EPHA4: variants seen among roughly 807,000 people sequenced by gnomAD.
EPHA4 encodes EPH receptor A4.
EPHA4 carries 19 observed loss-of-function variants against 108.3 expected under a neutral mutation model. The ratio of observed to expected loss-of-function variants is 0.18; its 90% CI spans 0.12 to 0.26. EPHA4 has a LOEUF of 0.26. Among genes scored for constraint, EPHA4 ranks in the 10% least tolerant of loss-of-function variants. The pLI, the probability that EPHA4 is intolerant of heterozygous loss-of-function variation, is 1.00. For missense variants in EPHA4, 917 were observed against 1,254.0 expected, an observed-to-expected ratio of 0.73 and a Z score of 4.06; for synonymous variants, 449 against 455.5, an observed-to-expected ratio of 0.99 and a Z score of 0.18.
chr2:221,490,032 G>C (rs530478334), intron 4 of EPHA4, among the ~76,000 whole-genome samples: 1 of 151,854 alleles, frequency 6.6e-6, no homozygotes, highest in East Asian at 1.9e-4. Context: ...TGTAGTCCCA[G>C]CTACTTGGGA....
Position 221,566,939 on chromosome 2 carries a change from A to G in EPHA4, c.159+1779T>C, listed in dbSNP as rs75495128. On this transcript the variant is annotated intron_variant, in intron 2 of 17. Transcript: ENST00000281821. Reference sequence around the variant, plus strand: ...GAGAAGGAGAAGGAGAAGGAGAAGGAGAAGGAGAAGGAGAAGGGGAAGAGG... The same window carrying G: ...GAGAAGGAGAAGGAGAAGGAGAAGGGGAAGGAGAAGGAGAAGGGGAAGAGG... 1.2e-3 allele frequency among the ~76,000 whole-genome samples: 46 copies of G among 37,906 alleles called. 10 individuals carry two copies. Among genetic ancestry groups the G allele is most frequent in the South Asian group, 2.4e-3 (3 of 1,234 alleles). The allele number at this position is 37,906 out of a possible 152,430, so 24.9% of individuals were successfully genotyped here.
At chr2:221,536,408 G>T (rs943405558) in intron 3 of EPHA4, among the ~76,000 whole-genome samples, 5 of 152,188 alleles carry the variant, frequency 3.3e-5, no homozygotes, top group Non-Finnish European at 7.3e-5. Flanking sequence ...GCTCACTGAA[G>T]GCTGCCCTCC....
chr2:221,444,342 C>T (rs1421153437), intron 9 of EPHA4, among the ~76,000 whole-genome samples: 3 of 152,160 alleles, frequency 2.0e-5, no homozygotes, highest in Non-Finnish European at 4.4e-5. Flanking sequence ...TGACAGATAT[C>T]TGGGCCAAGA....
intron 15 of EPHA4, 40 bp downstream of exon 15, chr2:221,429,918 G>A (rs1690020229): frequency 6.2e-7 from 1 of 1,607,096 alleles, no homozygotes; most frequent in African/African-American, 1.3e-5. Flanking sequence ...CTCCTCTAAT[G>A]TGTTCTTTCA....
intron 8 of EPHA4, among the ~76,000 whole-genome samples, chr2:221,453,515 A>G (rs1395951112): frequency 1.3e-5 from 2 of 152,230 alleles, no homozygotes; most frequent in African/African-American, 4.8e-5. Flanking sequence ...TTGGCTTTCA[A>G]AATCAAATAC....
chr2:221,434,258 C>G lies in EPHA4; in HGVS notation c.2380G>C (p.Glu794Gln). The G allele has an allele frequency of 6.2e-7, 1 of 1,614,144 alleles. No homozygotes were observed. The highest frequency in any genetic ancestry group is 8.5e-7 in the Non-Finnish European group (1 of 1,179,994). ...GKIPIRWTAP[E>Q]AIAYRKFTSA... is the part of the protein sequence containing the mutation. The stretch of plus-strand genomic sequence containing the variant: ...GTGAATTTACGATAGGCAATTGCTT[C>G]TGGCGCAGTCCACCGGATAGGAATC... Residue 794 changes from glutamate (E) to glutamine (Q), a missense_variant, in exon 14 of 18, where the codon GAA (glutamate) becomes CAA (glutamine). Physicochemically the swap from Glu to Gln is conservative, Grantham distance 29 (BLOSUM62 2). Transcript: ENST00000281821.
At chr2:221,540,494 G>A (rs533871841) in intron 3 of EPHA4, among the ~76,000 whole-genome samples, 11 of 152,226 alleles carry the variant, frequency 7.2e-5, no homozygotes, top group Admixed American at 3.9e-4. Context: ...TTTCTGTACT[G>A]ATACAACCTT....
chr2:221,496,121 G>C (rs1456754816), intron 4 of EPHA4, among the ~76,000 whole-genome samples: 2 of 152,170 alleles, frequency 1.3e-5, no homozygotes, highest in Non-Finnish European at 2.9e-5. Flanking sequence ...ATCCGATAAA[G>C]CTGGGGGCAG....
At chr2:221,519,208 G>C (rs1323120053) in intron 3 of EPHA4, among the ~76,000 whole-genome samples, 1 of 152,114 alleles carries the variant, frequency 6.6e-6, no homozygotes, top group African/African-American at 2.4e-5. Flanking sequence ...CAGCTAGGGT[G>C]GCTATAAATG....
chr2:221,528,031 C>A (rs901384791), intron 3 of EPHA4, among the ~76,000 whole-genome samples: 3 of 151,800 alleles, frequency 2.0e-5, no homozygotes, highest in Non-Finnish European at 4.4e-5. Flanking sequence ...CCAACCCCGC[C>A]GTTTCCCCTC....
chr2:221,490,465 A>T (rs1371983940), intron 4 of EPHA4, among the ~76,000 whole-genome samples: 1 of 152,098 alleles, frequency 6.6e-6, no homozygotes, highest in Non-Finnish European at 1.5e-5. Context: ...GAAATGGAGC[A>T]TCCCCCAAGA....
intron 1 of EPHA4, among the ~76,000 whole-genome samples, chr2:221,570,774 G>A (rs1246628195): frequency 6.6e-6 from 1 of 152,124 alleles, no homozygotes; most frequent in Admixed American, 6.5e-5. Context: ...GTGGATGGAT[G>A]GATAGATGAA....
In EPHA4 at chr2:221,425,945, A is replaced by T; in HGVS notation, c.*83T>A. On this transcript the variant is annotated 3_prime_UTR_variant, in exon 17 of 18. Transcript: ENST00000281821. The stretch of plus-strand genomic sequence containing the variant: ...CTTTAATTTCAGAGGGCGAAGACGA[A>T]GTAAAAAAAGTGCAGTTCTTCAATT... 3.5e-6 allele frequency: 4 copies of T among 1,127,906 alleles called. No individual in the cohort carries two copies. The South Asian group carries it at 5.2e-5, about 15-fold the overall frequency. The allele number at this position is 1,127,906 out of a possible 1,614,324, so 69.9% of individuals were successfully genotyped here.
Position 221,501,029 on chromosome 2 carries a change from T to C in EPHA4, c.967A>G (p.Met323Val). Residue 323 changes from methionine to valine, a missense_variant, in exon 4 of 18, where the codon ATG becomes GTG. By Grantham distance (21) the Met-to-Val change is conservative. This residue lies in a region of EPHA4 where 758 missense variants were observed against 1,076.7 expected (regional missense o/e 0.70). Transcript: ENST00000281821. The stretch of plus-strand genomic sequence containing the variant: ...GCATACAACTTACGGGTGCAGGGCA[T>C]AGAGGCAGCATCGTTGTCAGCTCTG... The part of the protein sequence containing the change: ...FFRADNDAAS[M>V]PCTRPPSAPL... 6 of 1,609,596 alleles carry C rather than the reference T, an allele frequency of 3.7e-6. No homozygotes were observed. The highest frequency in any genetic ancestry group is 1.3e-5 in the African/African-American group (1 of 74,812).
rs978075122 is a variant in EPHA4, at chr2:221,511,901, C to A, written c.824-10729G>T. Among the ~76,000 whole-genome samples, 418 of 152,198 alleles carry A rather than the reference C, an allele frequency of 2.7e-3. 3 individuals are homozygous for A. The highest frequency in any genetic ancestry group is 9.3e-3 in the African/African-American group (388 of 41,526). On this transcript the variant is annotated intron_variant, in intron 3 of 17. Coordinates refer to ENST00000281821, the MANE Select transcript of EPHA4 (RefSeq NM_004438.5). ...CACTGAAAATTTGCTATCTGAAAAA[C>A]AAAATATGGTTTTCAATATTGCCTT... is the stretch of plus-strand genomic sequence containing the variant.
chr2:221,436,633 A>T (rs781676789), intron 12 of EPHA4, 25 bp from the exon 13 acceptor site: 2 of 1,608,684 alleles, frequency 1.2e-6, no homozygotes, highest in African/African-American at 2.7e-5. Context: ...AGTGAGGAAC[A>T]ATCTCATTAG....
chr2:221,480,326 C>T (rs1184235073), intron 5 of EPHA4, among the ~76,000 whole-genome samples: 3 of 152,042 alleles, frequency 2.0e-5, no homozygotes, highest in Admixed American at 6.6e-5. Flanking sequence ...ACTTATAATT[C>T]GGTTAAGAAA....
In EPHA4 at chr2:221,434,150, T is replaced by G. The variant is rs766001735; in HGVS notation, c.2488A>C (p.Asn830His). ...YGERPYWDMS[N>H]QDVIKAIEEG... is the part of the protein sequence containing the mutation. Reference sequence around the variant, plus strand: ...AGAACATAGAGACTTACATCTTGATTGGACATATCCCAATAGGGCCTCTCC... The same window carrying G: ...AGAACATAGAGACTTACATCTTGATGGGACATATCCCAATAGGGCCTCTCC... The change falls in exon 14 of 18, where the codon AAT becomes CAT. Residue 830 changes from asparagine to histidine, a missense_variant. Asn to His is a moderately conservative substitution (Grantham distance 68, BLOSUM62 1). Transcript: ENST00000281821. The G allele has an allele frequency of 6.2e-7, 1 of 1,612,558 alleles. No homozygotes were observed. The highest frequency in any genetic ancestry group is 1.7e-5 in the Admixed American group (1 of 59,672).
chr2:221,501,975 C>T (rs889589002), intron 3 of EPHA4, among the ~76,000 whole-genome samples: 6 of 151,918 alleles, frequency 3.9e-5, no homozygotes, highest in Non-Finnish European at 8.8e-5. Flanking sequence ...TCCATTTTTC[C>T]AGCACCCTTC....
Sources: gnomAD v4.1 joint callset for allele counts (sites outside exome capture counted in the v4.1 genomes callset) on GRCh38, gnomAD v4.1.1 for gene constraint, gnomAD v4.1.1 regional missense constraint, MANE v1.5 for transcripts, NCBI Gene and HGNC (gene_info 2026-07-23, HGNC 2026-07-21) for gene names.